PARL: variants seen among roughly 807,000 people sequenced by gnomAD.
PARL encodes presenilin-associated rhomboid-like protein, mitochondrial.
A neutral mutation model predicts 51.6 loss-of-function variants in PARL; 44 were observed. The observed-to-expected ratio is 0.85, with a 90% confidence interval of 0.67 to 1.10. The LOEUF (loss-of-function observed/expected upper bound fraction) is 1.10. Among genes scored for constraint, PARL ranks in the 50% least tolerant of loss-of-function variants. The pLI is 0.00. For synonymous variants in PARL, 172 were observed against 164.0 expected, an observed-to-expected ratio of 1.05 and a Z score of -0.37; for missense variants, 441 against 469.5, an observed-to-expected ratio of 0.94 and a Z score of 0.56.
At chr3:183,833,335 C>T (rs262998) in intron 9 of PARL, among the ~76,000 whole-genome samples, 157 bp downstream of exon 9, 106,184 of 151,954 alleles carry the variant, frequency 0.7, 37,669 homozygotes, top group East Asian at 0.96. Context: ...AAGCAAGCCA[C>T]GTTGAGGTTT....
chr3:183,832,655 C>A (rs263000), intron 9 of PARL, among the ~76,000 whole-genome samples: 106,511 of 152,114 alleles, frequency 0.7, 37,836 homozygotes, highest in East Asian at 0.96. Flanking sequence ...CTCATGCTGA[C>A]GGGTCTCCCA....
At chr3:183,884,075 G>A (rs1734847478) in intron 1 of PARL, among the ~76,000 whole-genome samples, 1 of 152,180 alleles carries the variant, frequency 6.6e-6, no homozygotes, top group Admixed American at 6.5e-5. Flanking sequence ...AAACAGGTGA[G>A]GAATTTCTCT....
intron 6 of PARL, among the ~76,000 whole-genome samples, chr3:183,841,481 A>T (rs1468404168): frequency 6.6e-6 from 1 of 152,172 alleles, no homozygotes; most frequent in Non-Finnish European, 1.5e-5. Flanking sequence ...CATGAGGTTT[A>T]GTCATTTTTG....
chr3:183,857,452 G>A (rs1191039348), intron 4 of PARL, among the ~76,000 whole-genome samples: 1 of 152,108 alleles, frequency 6.6e-6, no homozygotes, highest in African/African-American at 2.4e-5. Flanking sequence ...GATATAGAAT[G>A]TTCTTTAAAA....
intron 1 of PARL, among the ~76,000 whole-genome samples, chr3:183,878,547 T>C (rs1010210975): frequency 4.6e-5 from 7 of 152,184 alleles, no homozygotes; most frequent in Admixed American, 4.6e-4. Context: ...TCCTACACCA[T>C]GGCTCTACCT....
rs986421046 is a variant in PARL at position 183,834,054 on chromosome 3, T to G, written c.829-229A>C. On this transcript the variant is annotated intron_variant, in intron 7 of 9. Transcript: ENST00000317096. The stretch of plus-strand genomic sequence containing the variant: ...AGACTGAATTTTTACTACGGGGCAG[T>G]AAGATGTATGTGCCTCATGAACCGC... 1.1e-4 allele frequency among the ~76,000 whole-genome samples: 16 copies of G among 152,364 alleles called. No individual in the cohort carries two copies. The East Asian group carries it at 3.1e-3, about 29-fold the overall frequency.
At chr3:183,842,197 T>G in intron 6 of PARL, 101 bp downstream of exon 6, 4 of 1,134,878 alleles carry the variant, frequency 3.5e-6, no homozygotes, top group Non-Finnish European at 5.3e-6. Context: ...TTCTGAGCAC[T>G]CACTACGTGT....
chr3:183,881,596 TAAAAC>T (rs770610173), intron 1 of PARL, among the ~76,000 whole-genome samples: 2 of 152,160 alleles, frequency 1.3e-5, no homozygotes, highest in African/African-American at 4.8e-5. Flanking sequence ...TCATTCCACT[TAAAAC>T]AAAATAGAGC....
At chr3:183,846,804 A>G (rs1034670248) in intron 4 of PARL, 1 of 178,928 alleles carries the variant, frequency 5.6e-6, no homozygotes, top group Non-Finnish European at 1.1e-5. Context: ...AATTTAAAAG[A>G]AATAAGAAAA....
chr3:183,858,035 G>A (rs1344514980), intron 4 of PARL, among the ~76,000 whole-genome samples: 3 of 152,110 alleles, frequency 2.0e-5, no homozygotes, highest in African/African-American at 7.2e-5. Flanking sequence ...GGATAACAGG[G>A]TTCTTATGAT....
At chr3:183,855,345 A>T (rs1731026575) in intron 4 of PARL, among the ~76,000 whole-genome samples, 1 of 152,162 alleles carries the variant, frequency 6.6e-6, no homozygotes, top group Non-Finnish European at 1.5e-5. Flanking sequence ...TATGCTGCCC[A>T]GGCTGGTCTA....
intron 1 of PARL, among the ~76,000 whole-genome samples, chr3:183,880,240 C>T (rs1012435623): frequency 6.6e-6 from 1 of 151,936 alleles, no homozygotes; most frequent in Non-Finnish European, 1.5e-5. Flanking sequence ...GAAAGAGGGT[C>T]CCTTGAGGCA....
At chr3:183,882,127 C>T (rs924146371) in intron 1 of PARL, among the ~76,000 whole-genome samples, 1 of 148,458 alleles carries the variant, frequency 6.7e-6, no homozygotes. Context: ...TCGCTTGAAC[C>T]CGGGAGGCGG....
chr3:183,878,396 T>C (rs7644746), intron 1 of PARL, among the ~76,000 whole-genome samples: 83,222 of 151,988 alleles, frequency 0.55, 23,143 homozygotes, highest in Middle Eastern at 0.63. Flanking sequence ...ACTCCAGCTT[T>C]GGATAAGAAC....
At chr3:183,865,653 TG>T (rs1369239081) in intron 3 of PARL, among the ~76,000 whole-genome samples, 11 of 152,250 alleles carry the variant, frequency 7.2e-5, no homozygotes, top group Non-Finnish European at 1.6e-4. Context: ...CATAACCATC[TG>T]CCCCCCTGCA....
At chr3:183,842,554 A>C in intron 5 of PARL, 107 bp from the exon 6 acceptor site, 1 of 1,037,684 alleles carries the variant, frequency 9.6e-7, no homozygotes, top group Admixed American at 1.9e-5. Context: ...TCACGCCTGT[A>C]ATCCCAGCAC....
intron 7 of PARL, among the ~76,000 whole-genome samples, chr3:183,835,334 A>G (rs1225896816): frequency 6.6e-6 from 1 of 152,190 alleles, no homozygotes; most frequent in Non-Finnish European, 1.5e-5. Flanking sequence ...GCTTCAGAAT[A>G]CAAGATTATC....
chr3:183,859,006 C>T (rs1356669634), intron 4 of PARL, among the ~76,000 whole-genome samples: 1 of 152,000 alleles, frequency 6.6e-6, no homozygotes. Flanking sequence ...TGAGACAGAA[C>T]AGTCAAAAAC....
At chr3:183,855,933 G>A (rs1328026857) in intron 4 of PARL, among the ~76,000 whole-genome samples, 1 of 150,660 alleles carries the variant, frequency 6.6e-6, no homozygotes, top group African/African-American at 2.4e-5. Context: ...TCTAGCCTGG[G>A]TGACAGAGCA....
Sources: allele counts gnomAD v4.1 joint callset (sites outside exome capture counted in the v4.1 genomes callset), GRCh38; gene constraint gnomAD v4.1.1; transcripts MANE v1.5; gene names NCBI Gene and HGNC (gene_info 2026-07-23, HGNC 2026-07-21).